SLC5A5: variants seen among roughly 807,000 people sequenced by gnomAD.
SLC5A5 encodes the protein sodium/iodide cotransporter.
A neutral mutation model predicts 68.6 loss-of-function variants in SLC5A5; 56 were observed. The observed-to-expected ratio is 0.82, with a 90% CI of 0.66 to 1.02. SLC5A5 has a LOEUF of 1.02. Ranked by LOEUF, SLC5A5 falls within the 50% of genes least tolerant of loss-of-function variation. The probability of loss-of-function intolerance (pLI) is 0.00; values close to 1 mark genes in which losing one functional copy is unlikely to be tolerated. For synonymous variants in SLC5A5, 398 were observed against 373.0 expected, an observed-to-expected ratio of 1.07 and a Z score of -0.77; for missense variants, 807 against 859.8, an observed-to-expected ratio of 0.94 and a Z score of 0.77.
chr19:17,891,961 G>A (rs941716340), intron 14 of SLC5A5, among the ~76,000 whole-genome samples: 1 of 152,092 alleles, frequency 6.6e-6, no homozygotes, highest in Non-Finnish European at 1.5e-5. Context: ...AAACATGTAG[G>A]GTCTGTCTCA....
At position 17,893,803 on chromosome 19, in the gene SLC5A5, C is replaced by T; in HGVS notation, c.1858C>T (p.Leu620=). The T allele has an allele frequency of 6.2e-7, 1 of 1,608,256 alleles. No individual in the cohort carries two copies. The highest frequency in any genetic ancestry group is 8.5e-7 in the Non-Finnish European group (1 of 1,176,886). Residue 620 remains leucine, a synonymous_variant, in exon 15 of 15, where the codon CTG becomes TTG. Transcript: ENST00000222248. The stretch of plus-strand genomic sequence containing the variant: ...TCTGTTTTTCTTGGGGCAGAAGGAG[C>T]TGGAGGGGGCTGGCTCTTGGACCCC... ...DRLFFLGQKE[L]EGAGSWTPCV...
rs746432894 is a variant in SLC5A5, at chr19:17,888,345, C to T, written c.1541C>T (p.Ala514Val). Residue 514 changes from alanine to valine, a missense_variant, in exon 13 of 15, where the codon GCC (alanine) becomes GTC (valine). Ala to Val is a moderately conservative substitution (Grantham distance 64, BLOSUM62 0). Coordinates refer to ENST00000222248, the MANE Select transcript of SLC5A5 (RefSeq NM_000453.3). The stretch of plus-strand genomic sequence containing the variant: ...CCAACCTGCAGCTCAGGAATGGACG[C>T]CAGCCGACCCGCCTTAGCTGACAGC... Reference protein sequence around the residue: ...SSRAPSSGMDASRPALADSFY... With the variant: ...SSRAPSSGMDVSRPALADSFY... The T allele has an allele frequency of 1.9e-6, 3 of 1,613,900 alleles. No homozygotes were observed. The highest frequency in any genetic ancestry group is 1.7e-6 in the Non-Finnish European group (2 of 1,179,978).
At chr19:17,874,907 T>C (rs1683701509) in intron 4 of SLC5A5, among the ~76,000 whole-genome samples, 176 bp downstream of exon 4, 1 of 151,952 alleles carries the variant, frequency 6.6e-6, no homozygotes. Flanking sequence ...AATCTAGAGG[T>C]ATGGTAGCTT....
chr19:17,889,815 T>A, intron 13 of SLC5A5, among the ~76,000 whole-genome samples: 1 of 152,160 alleles, frequency 6.6e-6, no homozygotes, highest in East Asian at 1.9e-4. Flanking sequence ...GGTGCTGAAA[T>A]ATCTTCTAAA....
At chr19:17,889,123 G>T (rs563253462) in intron 13 of SLC5A5, among the ~76,000 whole-genome samples, 4 of 151,876 alleles carry the variant, frequency 2.6e-5, no homozygotes, top group Non-Finnish European at 5.9e-5. Context: ...TCGACTGGGC[G>T]TAGTGGCTCA....
intron 4 of SLC5A5, among the ~76,000 whole-genome samples, chr19:17,875,064 CGTA>C (rs1402766088): frequency 6.6e-6 from 1 of 151,996 alleles, no homozygotes; most frequent in African/African-American, 2.4e-5. Flanking sequence ...ATATTATCAT[CGTA>C]GTGATAATAA....
Position 17,880,899 on chromosome 19 carries a change from A to T in SLC5A5, c.1004A>T (p.Asp335Val). 1 of 1,613,966 alleles carries T rather than the reference A, an allele frequency of 6.2e-7. No individual in the cohort carries two copies. Among genetic ancestry groups the T allele is most frequent in the African/African-American group, 1.3e-5 (1 of 75,022 alleles). Reference sequence around the variant, plus strand: ...CTGCTGGTGCTGGACATCTTCGAAGATCTGCCTGGAGTCCCCGGGCTTTTC... The same window carrying T: ...CTGCTGGTGCTGGACATCTTCGAAGTTCTGCCTGGAGTCCCCGGGCTTTTC... ...MPLLVLDIFE[D>V]LPGVPGLFLA... The change falls in exon 8 of 15, where the codon GAT (aspartate) becomes GTT (valine). Residue 335 changes from aspartate (D) to valine (V), a missense_variant. Asp to Val is a radical substitution (Grantham distance 152). Coordinates refer to ENST00000222248, the MANE Select transcript of SLC5A5 (RefSeq NM_000453.3).
intron 5 of SLC5A5, among the ~76,000 whole-genome samples, chr19:17,876,866 T>TA (rs918825985): frequency 1.4e-3 from 157 of 113,926 alleles, no homozygotes; most frequent in Admixed American, 1.7e-3. Context: ...GTCCCCCCCC[T>TA]AAAAAAAAAA....
chr19:17,887,714 C>T (rs1371746522), intron 12 of SLC5A5, among the ~76,000 whole-genome samples: 2 of 151,514 alleles, frequency 1.3e-5, no homozygotes, highest in African/African-American at 4.9e-5. Context: ...TCTCCTGCCT[C>T]AGCCTCTCGA....
intron 14 of SLC5A5, among the ~76,000 whole-genome samples, chr19:17,892,129 A>T (rs1387348668): frequency 6.6e-6 from 1 of 151,960 alleles, no homozygotes; most frequent in East Asian, 1.9e-4. Context: ...CCCTGTCTCT[A>T]CTAAAAATAC....
intron 7 of SLC5A5, 122 bp downstream of exon 7, chr19:17,878,215 C>A: frequency 8.2e-7 from 1 of 1,219,806 alleles, no homozygotes; most frequent in South Asian, 1.2e-5. Context: ...TAGGAAAGAG[C>A]TGAGAGGAGG....
intron 4 of SLC5A5, among the ~76,000 whole-genome samples, chr19:17,875,221 T>G (rs1173718849): frequency 6.6e-6 from 1 of 151,562 alleles, no homozygotes; most frequent in Non-Finnish European, 1.5e-5. Flanking sequence ...AATACAAAAA[T>G]TACCTGGGCG....
intron 12 of SLC5A5, among the ~76,000 whole-genome samples, chr19:17,885,378 T>C (rs953194537): frequency 6.6e-6 from 1 of 151,782 alleles, no homozygotes; most frequent in African/African-American, 2.4e-5. Flanking sequence ...TTTTTTGCTT[T>C]TTGTTTATTT....
intron 7 of SLC5A5, among the ~76,000 whole-genome samples, chr19:17,879,359 G>GA (rs2094315406): frequency 6.6e-6 from 1 of 152,070 alleles, no homozygotes; most frequent in Admixed American, 6.6e-5. Context: ...AATCCAGCGG[G>GA]AACTAATCAT....
intron 14 of SLC5A5, among the ~76,000 whole-genome samples, chr19:17,891,551 G>T (rs2030172521): frequency 6.6e-6 from 1 of 152,128 alleles, no homozygotes; most frequent in Non-Finnish European, 1.5e-5. Flanking sequence ...ACTGAACAAA[G>T]TTGAATACTA....
At chr19:17,880,181 A>T (rs2094317321) in intron 7 of SLC5A5, among the ~76,000 whole-genome samples, 1 of 149,300 alleles carries the variant, frequency 6.7e-6, no homozygotes, top group Admixed American at 6.7e-5. Context: ...GATTACAGGC[A>T]TGAGCCACTG....
chr19:17,886,305 T>G (rs1056968182), intron 12 of SLC5A5, among the ~76,000 whole-genome samples: 1 of 145,924 alleles, frequency 6.9e-6, no homozygotes, highest in African/African-American at 2.6e-5. Flanking sequence ...TGGTAATTCT[T>G]TAACTTTTTT....
At position 17,881,983 on chromosome 19, in the gene SLC5A5, C is replaced by T. The variant is rs1206332627; in HGVS notation, c.1082C>T (p.Ala361Val). The T allele has an allele frequency of 2.4e-5, 39 of 1,613,922 alleles. No individual in the cohort carries two copies. The highest frequency in any genetic ancestry group is 3.2e-5 in the Non-Finnish European group (38 of 1,179,860). The change falls in exon 9 of 15, where the codon GCT becomes GTT. Residue 361 changes from alanine to valine, a missense_variant. Transcript: ENST00000222248. ...TLSTASTSIN[A>V]MAAVTVEDLI... ...AGCACAGCATCCACCAGCATCAATG[C>T]TATGGCTGCAGTCACTGTAGAAGAC...
intron 12 of SLC5A5, among the ~76,000 whole-genome samples, chr19:17,886,569 G>C (rs1269933844): frequency 6.6e-6 from 1 of 152,004 alleles, no homozygotes; most frequent in African/African-American, 2.4e-5. Context: ...TGGCCTCCCA[G>C]GGTGTTAGGA....
Sources: allele counts gnomAD v4.1 joint callset (sites outside exome capture counted in the v4.1 genomes callset), GRCh38; gene constraint gnomAD v4.1.1; transcripts MANE v1.5; gene names NCBI Gene and HGNC (gene_info 2026-07-23, HGNC 2026-07-21).